CPNE7: variants seen among roughly 807,000 people sequenced by gnomAD.
The protein encoded by CPNE7 is copine-7.
Under a neutral mutation model 66.5 loss-of-function variants are expected in CPNE7, and 78 were observed. The observed-to-expected ratio is 1.17, with a 90% CI of 0.98 to 1.42. The LOEUF (loss-of-function observed/expected upper bound fraction) is 1.42, where lower values mean the gene tolerates loss of function less well. CPNE7 is among the 40% of genes most tolerant of loss of function. The pLI is 0.00. For synonymous variants in CPNE7, 468 were observed against 336.7 expected, an observed-to-expected ratio of 1.39 and a Z score of -4.27; for missense variants, 1,012 against 776.6, an observed-to-expected ratio of 1.30 and a Z score of -3.60.
At chr16:89,590,399 C>G (rs1353873770) in intron 11 of CPNE7, among the ~76,000 whole-genome samples, 1 of 152,066 alleles carries the variant, frequency 6.6e-6, no homozygotes, top group Non-Finnish European at 1.5e-5. Context: ...GTGGCACATG[C>G]TTGTAATCCC....
chr16:89,576,203 C>A, intron 1 of CPNE7, 132 bp downstream of exon 1: 1 of 702,388 alleles, frequency 1.4e-6, no homozygotes, highest in Non-Finnish European at 2.0e-6. Context: ...TGGGGCTCAG[C>A]TCGGGGTCAG....
In CPNE7 at chr16:89,587,073, A is replaced by G. The variant is rs753322155; in HGVS notation, c.898A>G (p.Ile300Val). Residue 300 changes from isoleucine (I) to valine (V), a missense_variant, in exon 9 of 15, where the codon ATC becomes GTC. Physicochemically the swap from Ile to Val is conservative, Grantham distance 29 (BLOSUM62 3). Transcript: ENST00000319518. ...FHRVYSFLDY[I>V]MGGCQIHFTV... is the part of the protein sequence containing the mutation. The stretch of plus-strand genomic sequence containing the variant: ...CAGGGTGTACTCCTTCCTGGACTAT[A>G]TCATGGGCGGCTGCCAGATCCACTT... The G allele has an allele frequency of 1.0e-5, 16 of 1,576,682 alleles. No homozygotes were observed. The highest frequency in any genetic ancestry group is 3.5e-4 in the Middle Eastern group (2 of 5,788).
Position 89,583,557 on chromosome 16 carries a change from C to A in CPNE7, c.358-140C>A, listed in dbSNP as rs199770053. 3 of 1,589,812 alleles carry A rather than the reference C, an allele frequency of 1.9e-6. No homozygotes were observed. In the African/African-American group the frequency reaches 4.0e-5, roughly 21 times the overall value. ...CTTGAGAGCAGCCACAAAGGGGGCGCGGGCCCTGGGCAGTGAAGCTCATGG... is the reference window on the plus strand; with the variant it reads ...CTTGAGAGCAGCCACAAAGGGGGCGAGGGCCCTGGGCAGTGAAGCTCATGG... On this transcript the variant is annotated intron_variant, in intron 2 of 14. Coordinates refer to ENST00000319518, the MANE Select transcript of CPNE7 (RefSeq NM_153636.3).
intron 11 of CPNE7, among the ~76,000 whole-genome samples, chr16:89,590,187 T>C (rs1229998871): frequency 1.3e-5 from 2 of 152,306 alleles, no homozygotes; most frequent in Admixed American, 6.5e-5. Context: ...CTTCAGGAGA[T>C]AGGGAAGGAC....
intron 13 of CPNE7, chr16:89,594,098 A>G (rs1310943628): frequency 6.6e-6 from 1 of 151,952 alleles, no homozygotes; most frequent in African/African-American, 2.4e-5. Context: ...CTCAGACATG[A>G]TCAGCTGAGC....
chr16:89,588,456 C>G (rs760857830), intron 9 of CPNE7, among the ~76,000 whole-genome samples: 3 of 152,118 alleles, frequency 2.0e-5, no homozygotes, highest in Admixed American at 1.3e-4. Flanking sequence ...GGTGTCCTCC[C>G]GGAGATCCAG....
rs1365204838 is a variant in CPNE7 at position 89,592,644 on chromosome 16, G to C, written c.1302+1384G>C. Among the ~76,000 whole-genome samples the C allele has an allele frequency of 1.3e-4, 19 of 148,448 alleles. No individual in the cohort carries two copies. In the South Asian group the frequency reaches 3.5e-3, roughly 27 times the overall value. On this transcript the variant is annotated intron_variant, in intron 13 of 14. Transcript: ENST00000319518. The stretch of plus-strand genomic sequence containing the variant: ...TTTTTAGTAGAGACGGGGTTTCACA[G>C]TCTTGGCCAGGCTGGTCTTAAACTC...
chr16:89,596,677 C>G lies in CPNE7; in HGVS notation c.*56C>G, dbSNP rs768930740. 6.7e-7 allele frequency: 1 copy of G among 1,484,670 alleles called. No individual in the cohort carries two copies. Among genetic ancestry groups the G allele is most frequent in the South Asian group, 1.3e-5 (1 of 74,778 alleles). The allele number at this position is 1,484,670 out of a possible 1,614,324, so 92.0% of individuals were successfully genotyped here. On this transcript the variant is annotated 3_prime_UTR_variant, in exon 15 of 15. Coordinates refer to ENST00000319518, the MANE Select transcript of CPNE7 (RefSeq NM_153636.3). ...AGGAATGGGTCCGTACAGCCTCTGT[C>G]TGCAACATGCTTGGGGTCCCTTAAG...
rs1410400524 is a variant in CPNE7 at position 89,575,891 on chromosome 16, C to G, written c.-7C>G. 2.5e-6 allele frequency: 3 copies of G among 1,216,666 alleles called. No homozygotes were observed. The highest frequency in any genetic ancestry group is 3.1e-6 in the Non-Finnish European group (3 of 977,614). The allele number at this position is 1,216,666 out of a possible 1,614,324, so 75.4% of individuals were successfully genotyped here. On this transcript the variant is annotated 5_prime_UTR_variant, in exon 1 of 15. Coordinates refer to ENST00000319518, the MANE Select transcript of CPNE7 (RefSeq NM_153636.3). Reference sequence around the variant, plus strand: ...TGCGCCCAGCCGGGCCCCCGAACGCCGGGAGCATGAGCGCGGGCTCGGAGC... The same window carrying G: ...TGCGCCCAGCCGGGCCCCCGAACGCGGGGAGCATGAGCGCGGGCTCGGAGC...
intron 13 of CPNE7, among the ~76,000 whole-genome samples, chr16:89,591,856 ACTTC>A: frequency 6.6e-6 from 1 of 151,508 alleles, no homozygotes; most frequent in East Asian, 1.9e-4. Context: ...GCCCGCCACC[ACTTC>A]TGGCTAATTT....
At position 89,585,722 on chromosome 16, in the gene CPNE7, C is replaced by A. The variant is rs753490850; in HGVS notation, c.717C>A (p.His239Gln). The A allele has an allele frequency of 6.5e-7, 1 of 1,548,336 alleles. No homozygotes were observed. Among genetic ancestry groups the A allele is most frequent in the Non-Finnish European group, 8.7e-7 (1 of 1,146,772 alleles). Reference sequence around the variant, plus strand: ...GGGATTACGACTCTCGAGGAAAGCACGACTTCATCGGAGAATTCTCTACCA... The same window carrying A: ...GGGATTACGACTCTCGAGGAAAGCAAGACTTCATCGGAGAATTCTCTACCA... ...LVWDYDSRGK[H>Q]DFIGEFSTTF... is the part of the protein sequence containing the mutation. Residue 239 changes from histidine (H) to glutamine (Q), a missense_variant, in exon 7 of 15, where the codon CAC becomes CAA. His to Gln is a conservative substitution (Grantham distance 24). Transcript: ENST00000319518.
intron 1 of CPNE7, among the ~76,000 whole-genome samples, chr16:89,576,298 C>T (rs577859195): frequency 1.3e-5 from 2 of 150,702 alleles, no homozygotes; most frequent in Non-Finnish European, 3.0e-5. Flanking sequence ...GAGCGGGGTT[C>T]GGAGGAGAGA....
At position 89,583,721 on chromosome 16, in the gene CPNE7, C is replaced by T. The variant is rs776989532; in HGVS notation, c.382C>T (p.Arg128Cys). The T allele has an allele frequency of 5.0e-6, 8 of 1,612,800 alleles. No individual in the cohort carries two copies. Among genetic ancestry groups the T allele is most frequent in the South Asian group, 1.1e-5 (1 of 91,088 alleles). ...GATTGTGGCCCAGAAGAAGGTGACC[C>T]GCCCGCTGCTGCTCAAGTTTGGCAG... is the stretch of plus-strand genomic sequence containing the variant. Reference protein sequence around the residue: ...GQIVAQKKVTRPLLLKFGRNA... With the variant: ...GQIVAQKKVTCPLLLKFGRNA... Residue 128 changes from arginine to cysteine, a missense_variant, in exon 3 of 15, where the codon CGC (arginine) becomes TGC (cysteine). Coordinates refer to ENST00000319518, the MANE Select transcript of CPNE7 (RefSeq NM_153636.3).
intron 2 of CPNE7, among the ~76,000 whole-genome samples, chr16:89,579,269 G>A (rs1567951904): frequency 1.3e-5 from 2 of 151,590 alleles, no homozygotes; most frequent in Non-Finnish European, 2.9e-5. Context: ...ACCAGCCCAG[G>A]TGACAGTGAG....
At chr16:89,585,001 C>T (rs2059012960) in intron 5 of CPNE7, 144 bp downstream of exon 5, 6 of 747,180 alleles carry the variant, frequency 8.0e-6, no homozygotes, top group Non-Finnish European at 1.3e-5. Flanking sequence ...TGGCCAGAAT[C>T]CAACAGGGAG....
intron 10 of CPNE7, among the ~76,000 whole-genome samples, chr16:89,589,611 C>A (rs2271912): frequency 6.6e-6 from 1 of 152,150 alleles, no homozygotes; most frequent in Non-Finnish European, 1.5e-5. Context: ...GGACCCCTCC[C>A]GTGGTCTGAG....
At position 89,593,462 on chromosome 16, in the gene CPNE7, C is replaced by T. The variant is rs914566656; in HGVS notation, c.1303-1905C>T. Among the ~76,000 whole-genome samples the T allele has an allele frequency of 2.6e-4, 40 of 152,030 alleles. No individual in the cohort carries two copies. The South Asian group carries it at 4.6e-3, about 17-fold the overall frequency. ...CCGCCTCCCGGGTTCACGCCATTCT[C>T]CTGCCTCAGCCTCCCAAATAGCTGG... On this transcript the variant is annotated intron_variant, in intron 13 of 14. Transcript: ENST00000319518.
At chr16:89,594,396 G>A (rs2059219782) in intron 13 of CPNE7, among the ~76,000 whole-genome samples, 1 of 152,090 alleles carries the variant, frequency 6.6e-6, no homozygotes, top group African/African-American at 2.4e-5. Flanking sequence ...CAAAAAGAGA[G>A]CCTCTTGGAG....
rs2059160179 is a variant in CPNE7, at chr16:89,591,072, G to A, written c.1168+14G>A. On this transcript the variant is annotated intron_variant, in intron 12 of 14. Transcript: ENST00000319518. The stretch of plus-strand genomic sequence containing the variant: ...ATGAGTGTGAAGGTAGGAGCTCGAG[G>A]CAGGCCTGGGGAGGGGAGTGCAGGG... The A allele has an allele frequency of 1.2e-6, 2 of 1,613,612 alleles. No homozygotes were observed. The highest frequency in any genetic ancestry group is 1.7e-6 in the Non-Finnish European group (2 of 1,179,874).
Sources: gnomAD v4.1 joint callset for allele counts (sites outside exome capture counted in the v4.1 genomes callset) on GRCh38, gnomAD v4.1.1 for gene constraint, MANE v1.5 for transcripts, NCBI Gene and HGNC (gene_info 2026-07-23, HGNC 2026-07-21) for gene names.